RGS22: variants seen among roughly 807,000 people sequenced by gnomAD.
RGS22 encodes the protein regulator of G-protein signaling 22.
Under a neutral mutation model 172.9 loss-of-function variants are expected in RGS22, and 148 were observed. The ratio of observed to expected loss-of-function variants is 0.86; its 90% CI spans 0.75 to 0.98. RGS22 has a LOEUF of 0.98. RGS22 is among the 50% of genes least tolerant of loss of function. The pLI is 0.00. For missense variants in RGS22, 1,347 were observed against 1,440.8 expected (o/e 0.93, Z 1.05); for synonymous variants, 458 against 480.2 (o/e 0.95, Z 0.60).
At chr8:100,082,406 T>G (rs1811831318) in intron 3 of RGS22, among the ~76,000 whole-genome samples, 1 of 152,170 alleles carries the variant, frequency 6.6e-6, no homozygotes, top group Non-Finnish European at 1.5e-5. Flanking sequence ...GCCCCTACAA[T>G]AGTAGGTCTA....
At chr8:100,088,171 T>C (rs779878109) in intron 3 of RGS22, among the ~76,000 whole-genome samples, 1 of 152,082 alleles carries the variant, frequency 6.6e-6, no homozygotes, top group Non-Finnish European at 1.5e-5. Flanking sequence ...TTATAACTGT[T>C]TACGGATTGT....
At chr8:100,105,826 C>T in intron 1 of RGS22, 71 bp downstream of exon 1, 2 of 1,368,412 alleles carry the variant, frequency 1.5e-6, no homozygotes, top group Non-Finnish European at 2.0e-6. Context: ...GAGGTAAAGT[C>T]CAGAGGCTGG....
chr8:100,033,837 C>T (rs549822812), intron 14 of RGS22, among the ~76,000 whole-genome samples: 98 of 152,254 alleles, frequency 6.4e-4, no homozygotes, highest in African/African-American at 2.2e-3. Flanking sequence ...TGTAATCCAT[C>T]ACATAAACAG....
rs1454492538 is a variant in RGS22, at chr8:100,018,107, T to C, written c.2167-9538A>G. Among the ~76,000 whole-genome samples the C allele has an allele frequency of 2.0e-5, 3 of 151,932 alleles. No individual in the cohort carries two copies. The East Asian group carries it at 5.8e-4, about 29-fold the overall frequency. Reference sequence around the variant, plus strand: ...ACAACATGGCTCTAAGCCTCATCTCTCCTGGAGACACTCAAAGGTTATGTA... The same window carrying C: ...ACAACATGGCTCTAAGCCTCATCTCCCCTGGAGACACTCAAAGGTTATGTA... On this transcript the variant is annotated intron_variant, in intron 14 of 27. Coordinates refer to ENST00000360863, the MANE Select transcript of RGS22 (RefSeq NM_015668.5).
At chr8:100,061,134 T>A (rs1055233496) in intron 9 of RGS22, among the ~76,000 whole-genome samples, 5 of 152,122 alleles carry the variant, frequency 3.3e-5, no homozygotes, top group Admixed American at 6.6e-5. Flanking sequence ...TGAAACTGGA[T>A]CCCTTCCTTA....
chr8:100,104,466 T>C (rs1813763928), intron 2 of RGS22, among the ~76,000 whole-genome samples: 1 of 152,018 alleles, frequency 6.6e-6, no homozygotes, highest in Non-Finnish European at 1.5e-5. Context: ...TGTGTGTGTA[T>C]GTGTGTATGT....
rs369079144 is a variant in RGS22 at position 99,962,803 on chromosome 8, A to G, written c.3710-36T>C. ...ATAAAAGAGATAAGAAAAACAGTAA[A>G]GTAAATATTGGCAAAGTCTTCTAAA... On this transcript the variant is annotated intron_variant, in intron 25 of 27. Transcript: ENST00000360863. The G allele has an allele frequency of 3.8e-6, 6 of 1,587,610 alleles. No homozygotes were observed. In the African/African-American group the frequency reaches 8.2e-5, roughly 22 times the overall value.
At chr8:99,962,320 A>G in intron 27 of RGS22, 74 bp downstream of exon 27, 1 of 905,210 alleles carries the variant, frequency 1.1e-6, no homozygotes, top group South Asian at 1.4e-5. Context: ...GTGTGTGTGC[A>G]TGCGTGCATG....
chr8:100,002,279 A>G lies in RGS22; in HGVS notation c.2713T>C (p.Tyr905His). The change falls in exon 18 of 28, where the codon TAC (tyrosine) becomes CAC (histidine). Residue 905 changes from tyrosine to histidine, a missense_variant. Transcript: ENST00000360863. ...TTATTAAGGTATTTGTTTTTAATGT[A>G]TATAGATTTTGCCTTCCTTTGATTT... ...DRNQRKAKSI[Y>H]IKNKYLNKKY... The G allele has an allele frequency of 6.2e-7, 1 of 1,611,768 alleles. No homozygotes were observed. Among genetic ancestry groups the G allele is most frequent in the Middle Eastern group, 1.7e-4 (1 of 5,934 alleles).
At position 99,987,434 on chromosome 8, in the gene RGS22, T is replaced by G. The variant is rs113137742; in HGVS notation, c.3180+24A>C. ...GCATTTCCTCCTCAAAACAGGTGGT[T>G]TTCTCTAGCTCCCAATACAATACCT... On this transcript the variant is annotated intron_variant, in intron 21 of 27. Transcript: ENST00000360863. 4,638 of 1,531,552 alleles carry G rather than the reference T, an allele frequency of 3.0e-3. 48 individuals are homozygous for G. Among genetic ancestry groups the G allele is most frequent in the African/African-American group, 0.03 (2,198 of 72,710 alleles). The allele number at this position is 1,531,552 out of a possible 1,614,324, so 94.9% of individuals were successfully genotyped here. A position where few individuals can be genotyped will look rare whatever the true frequency, so the allele number is the denominator to read the frequency against.
chr8:100,031,504 A>T lies in RGS22; in HGVS notation c.2166+7427T>A, dbSNP rs546967715. On this transcript the variant is annotated intron_variant, in intron 14 of 27. Transcript: ENST00000360863. ...ACCCTCTTCATTCATTAATTACTAC[A>T]TTTTCCATATAATTCTCCTAGACTC... 2.6e-5 allele frequency among the ~76,000 whole-genome samples: 4 copies of T among 151,698 alleles called. 1 individual carries two copies. The South Asian group carries it at 8.3e-4, about 32-fold the overall frequency.
intron 14 of RGS22, among the ~76,000 whole-genome samples, chr8:100,017,541 C>A (rs1817133088): frequency 6.6e-6 from 1 of 152,068 alleles, no homozygotes; most frequent in South Asian, 2.1e-4. Flanking sequence ...GAACTAAAAT[C>A]TGAAGATGTC....
intron 2 of RGS22, 130 bp downstream of exon 2, chr8:100,105,244 T>C (rs1813832441): frequency 1.4e-6 from 1 of 721,692 alleles, no homozygotes; most frequent in Non-Finnish European, 2.4e-6. Context: ...TACACAGTTA[T>C]TACAATTGTT....
At chr8:100,101,755 C>T (rs1413736722) in intron 2 of RGS22, among the ~76,000 whole-genome samples, 4 of 149,586 alleles carry the variant, frequency 2.7e-5, no homozygotes, top group Admixed American at 1.3e-4. Flanking sequence ...GAATGAAGAC[C>T]CCATGTTGAG....
chr8:100,077,426 T>C (rs1811434730), intron 4 of RGS22, among the ~76,000 whole-genome samples: 1 of 152,232 alleles, frequency 6.6e-6, no homozygotes, highest in South Asian at 2.1e-4. Flanking sequence ...AATTTTGATA[T>C]GTTATGCTTT....
intron 14 of RGS22, among the ~76,000 whole-genome samples, chr8:100,016,880 C>T (rs755420798): frequency 6.7e-5 from 10 of 149,162 alleles, no homozygotes; most frequent in Admixed American, 1.3e-4. Context: ...CTAACCTGCA[C>T]GTTGTGCACA....
In RGS22 at chr8:100,060,421, T is replaced by TATATATATATATATAC. The variant is rs1245783464; in HGVS notation, c.1514+2169_1514+2170insGTATATATATATATAT. On this transcript the variant is annotated intron_variant, in intron 9 of 27. Coordinates refer to ENST00000360863, the MANE Select transcript of RGS22 (RefSeq NM_015668.5). ...CTACGTGTATATATATATATATATA[T>TATATATATATATATAC]ACACACACACACACACACACGCACC... 2.3e-3 allele frequency among the ~76,000 whole-genome samples: 276 copies of TATATATATATATATAC among 119,474 alleles called. 5 individuals carry two copies. The highest frequency in any genetic ancestry group is 7.3e-3 in the African/African-American group (251 of 34,562). The allele number at this position is 119,474 out of a possible 152,430, so 78.4% of individuals were successfully genotyped here.
intron 10 of RGS22, among the ~76,000 whole-genome samples, chr8:100,049,777 G>C (rs1023438184): frequency 1.3e-5 from 2 of 152,210 alleles, no homozygotes; most frequent in Non-Finnish European, 2.9e-5. Flanking sequence ...GTTAGGCGTG[G>C]TGGCTCAAGC....
rs978593832 is a variant in RGS22 at position 100,001,032 on chromosome 8, C to CA, written c.2790+1169dup. 1.8e-3 allele frequency among the ~76,000 whole-genome samples: 257 copies of CA among 145,450 alleles called. 1 individual carries two copies. The highest frequency in any genetic ancestry group is 6.0e-3 in the African/African-American group (240 of 39,670). On this transcript the variant is annotated intron_variant, in intron 18 of 27. Transcript: ENST00000360863. ...ACATGCATTCTTGTAAACTACCAAACAAAAAAAAATGATAAACTATACATT... is the reference window on the plus strand; with the variant it reads ...ACATGCATTCTTGTAAACTACCAAACAAAAAAAAAATGATAAACTATACATT...
Sources: allele counts gnomAD v4.1 joint callset (sites outside exome capture counted in the v4.1 genomes callset), GRCh38; gene constraint gnomAD v4.1.1; transcripts MANE v1.5; gene names NCBI Gene and HGNC (gene_info 2026-07-23, HGNC 2026-07-21).